Variants in GPR63 observed in about 807,000 individuals in gnomAD.
GPR63 encodes the protein G protein-coupled receptor 63.
In GPR63, 12 loss-of-function variants were observed where a neutral mutation model predicts 23.1. The ratio of observed to expected loss-of-function variants is 0.52; its 90% confidence interval spans 0.33 to 0.84. The LOEUF is 0.84. GPR63 is among the 40% of genes least tolerant of loss of function. The pLI is 0.02. For missense variants in GPR63, 472 were observed against 515.6 expected (o/e 0.92, Z 0.82); for synonymous variants, 172 against 191.1 (o/e 0.90, Z 0.82).
intron 1 of GPR63, among the ~76,000 whole-genome samples, chr6:96,821,632 TAC>T (rs1391892681): frequency 2.0e-5 from 3 of 152,224 alleles, no homozygotes; most frequent in Non-Finnish European, 4.4e-5. Flanking sequence ...TAATCTGACT[TAC>T]TTGTTTTTCA....
At chr6:96,836,610 A>G (rs1313388679) in intron 1 of GPR63, among the ~76,000 whole-genome samples, 2 of 147,862 alleles carry the variant, frequency 1.4e-5, no homozygotes, top group Non-Finnish European at 3.0e-5. Flanking sequence ...TTTTTTTTTT[A>G]AGCACTCTGA....
intron 1 of GPR63, among the ~76,000 whole-genome samples, chr6:96,807,340 T>C (rs1773921697): frequency 6.6e-6 from 1 of 152,246 alleles, no homozygotes; most frequent in African/African-American, 2.4e-5. Context: ...CTATAGCCAC[T>C]GGATACTCAC....
At chr6:96,829,517 A>C (rs999604782) in intron 1 of GPR63, among the ~76,000 whole-genome samples, 1 of 151,914 alleles carries the variant, frequency 6.6e-6, no homozygotes, top group Admixed American at 6.6e-5. Flanking sequence ...ACACAGTGAG[A>C]CTTCATCTCT....
At chr6:96,824,178 G>A (rs1774378842) in intron 1 of GPR63, among the ~76,000 whole-genome samples, 2 of 151,918 alleles carry the variant, frequency 1.3e-5, no homozygotes, top group Admixed American at 6.6e-5. Context: ...ATAGGTCCTG[G>A]GGAATAAGAG....
chr6:96,811,989 G>A (rs913573292), intron 1 of GPR63, among the ~76,000 whole-genome samples: 10 of 151,620 alleles, frequency 6.6e-5, no homozygotes, highest in East Asian at 3.9e-4. Context: ...TTTTTTTGTC[G>A]TTAATTCTCT....
intron 1 of GPR63, among the ~76,000 whole-genome samples, chr6:96,834,411 C>G (rs999102391): frequency 6.6e-6 from 1 of 152,146 alleles, no homozygotes; most frequent in Non-Finnish European, 1.5e-5. Flanking sequence ...AGGATCACAT[C>G]AGCTCTTAAG....
chr6:96,798,924 G>A lies in GPR63; in HGVS notation c.808C>T (p.Arg270Trp), dbSNP rs779044517. The stretch of plus-strand genomic sequence containing the variant: ...CTATGGATCCTCAAGGCATTGTGCC[G>A]AAGGGTGTTGAGTATGCCCATAAAT... ...YSFMGILNTL[R>W]HNALRIHSYP... Residue 270 changes from arginine to tryptophan, a missense_variant, in exon 2 of 2, where the codon CGG (arginine) becomes TGG (tryptophan). Arg to Trp is a moderately radical substitution (Grantham distance 101, BLOSUM62 -3). Transcript: ENST00000229955. The A allele has an allele frequency of 1.6e-5, 26 of 1,614,178 alleles. No homozygotes were observed. Among genetic ancestry groups the A allele is most frequent in the Admixed American group, 3.3e-5 (2 of 60,016 alleles).
chr6:96,813,677 G>A (rs886836113), intron 1 of GPR63, among the ~76,000 whole-genome samples: 1 of 152,170 alleles, frequency 6.6e-6, no homozygotes, highest in African/African-American at 2.4e-5. Flanking sequence ...TCCAATCCAA[G>A]GTTTCTTTGT....
At chr6:96,829,187 C>G (rs546924049) in intron 1 of GPR63, among the ~76,000 whole-genome samples, 2 of 152,280 alleles carry the variant, frequency 1.3e-5, no homozygotes, top group South Asian at 4.2e-4. Context: ...GAATACACAT[C>G]GTTTTAAAGC....
chr6:96,825,020 G>T (rs1232840833), intron 1 of GPR63, among the ~76,000 whole-genome samples: 1 of 152,132 alleles, frequency 6.6e-6, no homozygotes, highest in Non-Finnish European at 1.5e-5. Context: ...AGAAACAAAA[G>T]TATGAAATAT....
At chr6:96,818,542 T>C (rs528150025) in intron 1 of GPR63, among the ~76,000 whole-genome samples, 1 of 152,290 alleles carries the variant, frequency 6.6e-6, no homozygotes, top group South Asian at 2.1e-4. Context: ...AACAGAATTA[T>C]GTGATTTATA....
intron 1 of GPR63, among the ~76,000 whole-genome samples, chr6:96,820,860 T>C (rs1774296493): frequency 6.6e-6 from 1 of 152,216 alleles, no homozygotes; most frequent in South Asian, 2.1e-4. Context: ...GTTTATCTAA[T>C]CAAAACTAAA....
chr6:96,827,531 G>A (rs1263943891), intron 1 of GPR63, among the ~76,000 whole-genome samples: 2 of 152,002 alleles, frequency 1.3e-5, no homozygotes, highest in African/African-American at 4.8e-5. Flanking sequence ...CCTATCTAAT[G>A]CCAAATAAGA....
chr6:96,822,211 C>T (rs1562123504), intron 1 of GPR63, among the ~76,000 whole-genome samples: 1 of 151,824 alleles, frequency 6.6e-6, no homozygotes, highest in African/African-American at 2.4e-5. Flanking sequence ...ACAAGGGAAA[C>T]ATCACTGAAA....
At chr6:96,801,703 A>G (rs1012208203) in intron 1 of GPR63, among the ~76,000 whole-genome samples, 1 of 152,202 alleles carries the variant, frequency 6.6e-6, no homozygotes, top group Admixed American at 6.5e-5. Context: ...TATTCATTCA[A>G]AATATCAACT....
chr6:96,800,136 A>G (rs1773725069), intron 1 of GPR63, among the ~76,000 whole-genome samples: 1 of 152,242 alleles, frequency 6.6e-6, no homozygotes, highest in Non-Finnish European at 1.5e-5. Context: ...ACTGCCCCAA[A>G]GACAAAAATT....
At chr6:96,805,324 C>T (rs575992865) in intron 1 of GPR63, among the ~76,000 whole-genome samples, 3 of 152,200 alleles carry the variant, frequency 2.0e-5, no homozygotes, top group East Asian at 3.9e-4. Flanking sequence ...AAAACCAGAT[C>T]TTGTGTGAAC....
chr6:96,830,767 C>A (rs1316680099), intron 1 of GPR63, among the ~76,000 whole-genome samples: 3 of 152,198 alleles, frequency 2.0e-5, no homozygotes, highest in East Asian at 1.9e-4. Context: ...GGGAGAATTT[C>A]TCTCTAAATT....
At chr6:96,821,976 G>T (rs1160341785) in intron 1 of GPR63, among the ~76,000 whole-genome samples, 1 of 151,638 alleles carries the variant, frequency 6.6e-6, no homozygotes, top group Admixed American at 6.6e-5. Flanking sequence ...AGAATCAGAA[G>T]ACCTTCACAA....
Sources: gnomAD v4.1 joint callset for allele counts (sites outside exome capture counted in the v4.1 genomes callset) on GRCh38, gnomAD v4.1.1 for gene constraint, MANE v1.5 for transcripts, NCBI Gene and HGNC (gene_info 2026-07-23, HGNC 2026-07-21) for gene names.